Variants in SKIL observed in about 807,000 individuals in gnomAD.
The protein encoded by SKIL is SKI like proto-oncogene.
A neutral mutation model predicts 69.6 loss-of-function variants in SKIL; 20 were observed. That is an observed-to-expected ratio of 0.29 (90% CI 0.20 to 0.42). The LOEUF is 0.42. SKIL is among the 10% of genes least tolerant of loss of function. The pLI is 1.00. For missense variants in SKIL, 745 were observed against 783.1 expected, an observed-to-expected ratio of 0.95 and a Z score of 0.58; for synonymous variants, 310 against 279.9, an observed-to-expected ratio of 1.11 and a Z score of -1.08.
chr3:170,380,995 A>AT (rs35175326), intron 2 of SKIL, among the ~76,000 whole-genome samples: 3,637 of 140,062 alleles, frequency 0.026, 79 homozygotes, highest in East Asian at 0.096. Context: ...CAACTGGCTA[A>AT]TTTTTTTTTT....
At chr3:170,385,062 A>C in intron 4 of SKIL, 1 of 198,356 alleles carries the variant, frequency 5.0e-6, no homozygotes, top group Non-Finnish European at 1.0e-5. Context: ...AGTCTTCAGG[A>C]GATCCTTGTT....
chr3:170,378,083 G>A (rs1316212605), intron 2 of SKIL, among the ~76,000 whole-genome samples: 1 of 151,594 alleles, frequency 6.6e-6, no homozygotes, highest in Non-Finnish European at 1.5e-5. Flanking sequence ...TAGTAAGACA[G>A]GGTTTCACTA....
chr3:170,368,277 C>T (rs1190640537), intron 2 of SKIL, among the ~76,000 whole-genome samples: 1 of 152,108 alleles, frequency 6.6e-6, no homozygotes, highest in African/African-American at 2.4e-5. Flanking sequence ...ATATGAGGGA[C>T]CATTATGAAT....
intron 2 of SKIL, among the ~76,000 whole-genome samples, chr3:170,364,811 G>A (rs960718810): frequency 3.6e-4 from 55 of 152,030 alleles, no homozygotes; most frequent in African/African-American, 1.3e-3. Flanking sequence ...ACCATCCTTC[G>A]TCTGGGATGT....
intron 2 of SKIL, among the ~76,000 whole-genome samples, chr3:170,366,212 A>G (rs924360473): frequency 6.6e-6 from 1 of 152,060 alleles, no homozygotes; most frequent in African/African-American, 2.4e-5. Flanking sequence ...AAACTCAGTA[A>G]GTTGTTCGAA....
intron 4 of SKIL, among the ~76,000 whole-genome samples, chr3:170,388,586 C>T (rs1412291337): frequency 1.3e-5 from 2 of 152,004 alleles, no homozygotes; most frequent in Non-Finnish European, 2.9e-5. Flanking sequence ...GGATGTACCA[C>T]CATGCTCGGC....
chr3:170,372,616 G>T (rs1291831508), intron 2 of SKIL, among the ~76,000 whole-genome samples: 8 of 152,148 alleles, frequency 5.3e-5, no homozygotes, highest in Non-Finnish European at 1.0e-4. Context: ...TGTACTGAGG[G>T]ATTCTGTTTC....
chr3:170,384,572 T>C lies in SKIL; in HGVS notation c.1236T>C (p.Asn412=). The C allele has an allele frequency of 1.9e-6, 3 of 1,611,436 alleles. No homozygotes were observed. Among genetic ancestry groups the C allele is most frequent in the Non-Finnish European group, 2.5e-6 (3 of 1,178,492 alleles). ...TGTGTGATAAAGTGGTTGCCCCAAATGTGTCACTTACTTCTGCTGTATCCC... is the reference window on the plus strand; with the variant it reads ...TGTGTGATAAAGTGGTTGCCCCAAACGTGTCACTTACTTCTGCTGTATCCC... ...LYMCDKVVAP[N]VSLTSAVSQS... is the part of the protein sequence containing the mutation. Residue 412 remains asparagine, a synonymous_variant, in exon 4 of 7, where the codon AAT becomes AAC. Coordinates refer to ENST00000259119, the MANE Select transcript of SKIL (RefSeq NM_005414.5).
intron 1 of SKIL, among the ~76,000 whole-genome samples, chr3:170,358,174 C>G (rs1250403671): frequency 6.6e-6 from 1 of 152,204 alleles, no homozygotes; most frequent in South Asian, 2.1e-4. Flanking sequence ...CGCCCGGCGC[C>G]TAAACTGCCC....
intron 4 of SKIL, among the ~76,000 whole-genome samples, chr3:170,388,570 C>G (rs1229782449): frequency 6.6e-6 from 1 of 151,644 alleles, no homozygotes; most frequent in African/African-American, 2.4e-5. Context: ...GTAGCTGGGA[C>G]TACAGGGATG....
rs1738193420 is a variant in SKIL, at chr3:170,396,478, G to C, written c.*4061G>C. 6.6e-6 allele frequency: 1 copy of C among 152,126 alleles called. No homozygotes were observed. Among genetic ancestry groups the C allele is most frequent in the South Asian group, 2.1e-4 (1 of 4,828 alleles). The allele number at this position is 152,126 out of a possible 1,614,324, so 9.4% of individuals were successfully genotyped here. ...TGTGAAGGCAGTAAATGAAATATCT[G>C]TTCTGCAACTGTTGAAACAAATAAT... On this transcript the variant is annotated 3_prime_UTR_variant, in exon 7 of 7. Transcript: ENST00000259119.
intron 4 of SKIL, among the ~76,000 whole-genome samples, chr3:170,387,219 G>C (rs945624893): frequency 6.6e-6 from 1 of 151,808 alleles, no homozygotes; most frequent in Non-Finnish European, 1.5e-5. Context: ...CAGGGTTTTC[G>C]CCATGTTAGT....
chr3:170,381,378 T>G (rs1737335294), intron 3 of SKIL, 37 bp downstream of exon 3: 7 of 978,320 alleles, frequency 7.2e-6, no homozygotes, highest in African/African-American at 6.3e-5. Flanking sequence ...GTTCATTCAT[T>G]TCTTCATTCA....
chr3:170,387,820 G>C (rs375899930), intron 4 of SKIL, among the ~76,000 whole-genome samples: 1 of 138,538 alleles, frequency 7.2e-6, no homozygotes, highest in East Asian at 2.1e-4. Flanking sequence ...TGTAGTCCCA[G>C]CTACTTGGGA....
At chr3:170,384,098 C>G (rs1737496016) in intron 3 of SKIL, among the ~76,000 whole-genome samples, 1 of 150,504 alleles carries the variant, frequency 6.6e-6, no homozygotes, top group East Asian at 1.9e-4. Flanking sequence ...TGCCTGTAAT[C>G]CTAGTGCTTT....
intron 2 of SKIL, among the ~76,000 whole-genome samples, chr3:170,375,776 C>G (rs780176555): frequency 1.3e-5 from 2 of 151,876 alleles, no homozygotes; most frequent in Non-Finnish European, 2.9e-5. Context: ...ATGGGGGTCT[C>G]TCTATGTTGT....
intron 2 of SKIL, among the ~76,000 whole-genome samples, 177 bp downstream of exon 2, chr3:170,361,606 C>T (rs1577406930): frequency 6.6e-6 from 1 of 152,204 alleles, no homozygotes; most frequent in African/African-American, 2.4e-5. Flanking sequence ...CAGTATGTTT[C>T]CTCATTTGAC....
intron 4 of SKIL, among the ~76,000 whole-genome samples, chr3:170,389,165 A>T (rs959044947): frequency 2.6e-5 from 4 of 151,114 alleles, no homozygotes; most frequent in Non-Finnish European, 4.4e-5. Flanking sequence ...GAGCCACCAC[A>T]TCCAGCCAAG....
chr3:170,385,257 A>ATT (rs1159207619), intron 4 of SKIL, among the ~76,000 whole-genome samples: 20 of 136,700 alleles, frequency 1.5e-4, no homozygotes, highest in South Asian at 2.3e-4. Context: ...AAAAAAAAAA[A>ATT]TTTTTTTTTT....
Sources: allele counts gnomAD v4.1 joint callset (sites outside exome capture counted in the v4.1 genomes callset), GRCh38; gene constraint gnomAD v4.1.1; transcripts MANE v1.5; gene names NCBI Gene and HGNC (gene_info 2026-07-23, HGNC 2026-07-21).